The following CTNNA2 variants were observed in gnomAD, a reference collection of about 807,000 sequenced individuals.
CTNNA2 encodes the protein catenin alpha 2, also known as catenin alpha-2.
In CTNNA2, 42 loss-of-function variants were observed where a neutral mutation model predicts 101.0. The observed-to-expected ratio is 0.42, with a 90% confidence interval of 0.32 to 0.54. The LOEUF is 0.54. CTNNA2 is among the 20% of genes least tolerant of loss of function. CTNNA2 has a pLI of 0.14. For synonymous variants in CTNNA2, 450 were observed against 456.4 expected (o/e 0.99, Z 0.18); for missense variants, 871 against 1,223.1 (o/e 0.71, Z 4.29).
intron 7 of CTNNA2, among the ~76,000 whole-genome samples, chr2:80,269,345 C>G (rs999495072): frequency 6.6e-6 from 1 of 152,166 alleles, no homozygotes. Flanking sequence ...TCTCCTGATG[C>G]CTTGTGAAGA....
rs534131156 is a variant in CTNNA2 at position 80,228,137 on chromosome 2, A to G, written c.1057-165074A>G. Among the ~76,000 whole-genome samples the G allele has an allele frequency of 7.2e-5, 11 of 152,322 alleles. 1 individual carries two copies. The East Asian group carries it at 1.5e-3, about 21-fold the overall frequency. ...ACATGGTCAGGATCTGTGTTCAGCA[A>G]AATTTTGTTGTCAGTAAGACTGGCC... On this transcript the variant is annotated intron_variant, in intron 7 of 18. Transcript: ENST00000402739.
chr2:80,634,527 T>G (rs1421397094), intron 18 of CTNNA2, among the ~76,000 whole-genome samples: 2 of 152,072 alleles, frequency 1.3e-5, no homozygotes, highest in Non-Finnish European at 2.9e-5. Context: ...GTGAAGACCA[T>G]TTTGATAGAT....
intron 7 of CTNNA2, among the ~76,000 whole-genome samples, chr2:80,233,147 G>A (rs1019701378): frequency 1.3e-5 from 2 of 152,114 alleles, no homozygotes; most frequent in Non-Finnish European, 2.9e-5. Context: ...AATGGTAACT[G>A]TAGGTCTGCA....
At chr2:79,289,670 A>G (rs2104372740) in intron 2 of CTNNA2, among the ~76,000 whole-genome samples, 1 of 152,258 alleles carries the variant, frequency 6.6e-6, no homozygotes, top group South Asian at 2.1e-4. Context: ...GCAGGAACCC[A>G]GGAGCCAGAG....
At chr2:79,240,444 C>G (rs557354781) in intron 2 of CTNNA2, among the ~76,000 whole-genome samples, 1 of 152,202 alleles carries the variant, frequency 6.6e-6, no homozygotes, top group African/African-American at 2.4e-5. Context: ...CAATATTTAG[C>G]TCCCACTTAT....
At chr2:80,027,688 C>T (rs1010186313) in intron 7 of CTNNA2, among the ~76,000 whole-genome samples, 5 of 152,034 alleles carry the variant, frequency 3.3e-5, no homozygotes. Flanking sequence ...CGGGGAATGC[C>T]TGGTGCCGTG....
intron 7 of CTNNA2, among the ~76,000 whole-genome samples, chr2:80,071,135 C>G (rs1464215804): frequency 6.6e-6 from 1 of 152,236 alleles, no homozygotes; most frequent in Non-Finnish European, 1.5e-5. Flanking sequence ...CACATCACTT[C>G]ATTCCAAAGC....
chr2:79,554,662 G>A lies in CTNNA2; in HGVS notation c.-6+41455G>A, dbSNP rs138902776. Among the ~76,000 whole-genome samples the A allele has an allele frequency of 8.7e-4, 132 of 152,192 alleles. 1 individual carries two copies. The highest frequency in any genetic ancestry group is 2.8e-3 in the African/African-American group (115 of 41,548). On this transcript the variant is annotated intron_variant, in intron 1 of 18. Coordinates refer to ENST00000402739, the MANE Select transcript of CTNNA2 (RefSeq NM_001282597.3). ...ATACCTCTAGAAAAAGTGAAAAATA[G>A]ATCATTAAGATAGAAGGCTCCAGAC...
intron 7 of CTNNA2, among the ~76,000 whole-genome samples, chr2:80,232,404 G>C (rs1342410550): frequency 1.1e-5 from 1 of 94,886 alleles, no homozygotes. Flanking sequence ...CACTAGTTTT[G>C]GCAGCTCTAC....
intron 3 of CTNNA2, among the ~76,000 whole-genome samples, chr2:79,757,035 C>T (rs1672449188): frequency 6.6e-6 from 1 of 152,148 alleles, no homozygotes; most frequent in South Asian, 2.1e-4. Context: ...GATTTAATTG[C>T]CTTATAACTC....
chr2:79,960,752 A>G (rs961753033), intron 7 of CTNNA2, among the ~76,000 whole-genome samples: 1 of 152,212 alleles, frequency 6.6e-6, no homozygotes, highest in Non-Finnish European at 1.5e-5. Context: ...GATCTATAAA[A>G]TCTGAAGTAC....
At chr2:79,565,425 C>A (rs1013945747) in intron 1 of CTNNA2, among the ~76,000 whole-genome samples, 1 of 151,936 alleles carries the variant, frequency 6.6e-6, no homozygotes, top group African/African-American at 2.4e-5. Flanking sequence ...TCTCAGTGTG[C>A]GGTCCAGTCA....
intron 7 of CTNNA2, among the ~76,000 whole-genome samples, chr2:80,255,594 G>A (rs1029457030): frequency 2.0e-5 from 3 of 152,078 alleles, no homozygotes; most frequent in Non-Finnish European, 4.4e-5. Context: ...TCAAACTCGC[G>A]GGCCTTGTCT....
intron 4 of CTNNA2, among the ~76,000 whole-genome samples, chr2:79,491,513 T>C (rs751171627): frequency 3.4e-4 from 52 of 152,196 alleles, no homozygotes; most frequent in Non-Finnish European, 6.2e-4. Context: ...GATTTATTAC[T>C]GGGAATTGGG....
At chr2:79,309,681 A>T (rs1215960510) in intron 2 of CTNNA2, among the ~76,000 whole-genome samples, 2 of 152,114 alleles carry the variant, frequency 1.3e-5, no homozygotes, top group Non-Finnish European at 1.5e-5. Flanking sequence ...TAATTAGGAG[A>T]TTGGCTATCT....
chr2:80,601,421 C>CTTTTTTTTTT (rs56921519), intron 15 of CTNNA2, among the ~76,000 whole-genome samples: 5 of 84,388 alleles, frequency 5.9e-5, no homozygotes, highest in African/African-American at 1.4e-4. Flanking sequence ...TTCTTTCTTT[C>CTTTTTTTTTT]TTTTTTTTTT....
At chr2:79,777,884 T>G (rs1674105250) in intron 3 of CTNNA2, among the ~76,000 whole-genome samples, 2 of 145,852 alleles carry the variant, frequency 1.4e-5, no homozygotes, top group Non-Finnish European at 1.5e-5. Context: ...TAGATTTATT[T>G]GCATGGGGTT....
intron 7 of CTNNA2, among the ~76,000 whole-genome samples, chr2:80,066,781 C>T (rs1698010669): frequency 6.6e-6 from 1 of 152,140 alleles, no homozygotes; most frequent in Non-Finnish European, 1.5e-5. Context: ...AAGATATATG[C>T]ACTTCCATGT....
intron 7 of CTNNA2, among the ~76,000 whole-genome samples, chr2:80,176,535 A>G (rs963214708): frequency 2.0e-5 from 3 of 152,226 alleles, no homozygotes; most frequent in Non-Finnish European, 4.4e-5. Context: ...TGCCTTCAGC[A>G]ATCTCCTCAG....
Sources: allele counts gnomAD v4.1 joint callset (sites outside exome capture counted in the v4.1 genomes callset), GRCh38; gene constraint gnomAD v4.1.1; transcripts MANE v1.5; gene names NCBI Gene and HGNC (gene_info 2026-07-23, HGNC 2026-07-21).